POFUT3: variants seen among roughly 807,000 people sequenced by gnomAD.
The protein encoded by POFUT3 is GDP-fucose protein O-fucosyltransferase 3.
At chr8:33,328,186 G>A in the POFUT3 span, among the ~76,000 whole-genome samples, 2 of 152,146 alleles carry the variant, frequency 1.3e-5, no homozygotes. Flanking sequence ...AGGACAGGCT[G>A]TCCGAGGAGG....
the POFUT3 span, among the ~76,000 whole-genome samples, chr8:33,444,774 C>T: frequency 3.9e-5 from 6 of 151,942 alleles, no homozygotes; most frequent in Non-Finnish European, 5.9e-5. Flanking sequence ...GCTGAGATCA[C>T]GCCACTGCAT....
chr8:33,442,151 A>G, the POFUT3 span, among the ~76,000 whole-genome samples: 4 of 151,726 alleles, frequency 2.6e-5, no homozygotes, highest in African/African-American at 9.7e-5. Context: ...TTTGTTTAGT[A>G]GAGATGGGTT....
the POFUT3 span, among the ~76,000 whole-genome samples, chr8:33,419,705 T>C: frequency 6.6e-6 from 1 of 152,192 alleles, no homozygotes; most frequent in African/African-American, 2.4e-5. Flanking sequence ...TATGTATCGA[T>C]AAAAAGAAAA....
chr8:33,425,480 G>T, the POFUT3 span, among the ~76,000 whole-genome samples: 1 of 152,170 alleles, frequency 6.6e-6, no homozygotes, highest in African/African-American at 2.4e-5. Flanking sequence ...CAGAAAAAAG[G>T]AGGAGAAGGA....
chr8:33,355,800 T>C, the POFUT3 span, among the ~76,000 whole-genome samples: 1 of 152,120 alleles, frequency 6.6e-6, no homozygotes, highest in African/African-American at 2.4e-5. Flanking sequence ...TAGGTATATC[T>C]CCTAATGCTA....
chr8:33,387,074 T>G, the POFUT3 span, among the ~76,000 whole-genome samples: 1 of 152,168 alleles, frequency 6.6e-6, no homozygotes, highest in Non-Finnish European at 1.5e-5. Context: ...TACTCTCTCA[T>G]GTTTTCACAT....
the POFUT3 span, among the ~76,000 whole-genome samples, chr8:33,380,227 A>AC: frequency 2.3e-5 from 2 of 86,166 alleles, no homozygotes; most frequent in Admixed American, 1.6e-4. Flanking sequence ...ATATATATAT[A>AC]TACTATATAT....
the POFUT3 span, among the ~76,000 whole-genome samples, chr8:33,362,789 C>T: frequency 6.6e-6 from 1 of 152,196 alleles, no homozygotes; most frequent in African/African-American, 2.4e-5. Context: ...TAGAGACCTA[C>T]GAAGAGACTT....
At chr8:33,426,698 G>C in the POFUT3 span, among the ~76,000 whole-genome samples, 1 of 152,152 alleles carries the variant, frequency 6.6e-6, no homozygotes, top group Non-Finnish European at 1.5e-5. Context: ...AGATTTCCCA[G>C]GTCCTACCTC....
chr8:33,313,867 A>G, the POFUT3 span, among the ~76,000 whole-genome samples: 1 of 152,104 alleles, frequency 6.6e-6, no homozygotes, highest in Non-Finnish European at 1.5e-5. Context: ...TTGCTAAGAA[A>G]TATTTATGGC....
At chr8:33,364,677 G>C in the POFUT3 span, among the ~76,000 whole-genome samples, 1 of 152,100 alleles carries the variant, frequency 6.6e-6, no homozygotes, top group Non-Finnish European at 1.5e-5. Flanking sequence ...GCTACAAAGA[G>C]ACTAAAATAC....
At chr8:33,438,785 G>C in the POFUT3 span, among the ~76,000 whole-genome samples, 2 of 152,154 alleles carry the variant, frequency 1.3e-5, no homozygotes, top group Non-Finnish European at 2.9e-5. Flanking sequence ...GGGTGAATGA[G>C]AGCCGAGCGA....
the POFUT3 span, among the ~76,000 whole-genome samples, chr8:33,319,352 T>TATATATGTTCATATAATATGTAA: frequency 2.3e-5 from 1 of 43,576 alleles, no homozygotes; most frequent in African/African-American, 9.7e-5. Flanking sequence ...ATATATTTTA[T>TATATATGTTCATATAATATGTAA]ATATATTTTA....
At chr8:33,426,205 T>C in the POFUT3 span, among the ~76,000 whole-genome samples, 2 of 152,080 alleles carry the variant, frequency 1.3e-5, no homozygotes, top group Non-Finnish European at 2.9e-5. Context: ...ATGCCCAGCC[T>C]GAAGATCACT....
At chr8:33,429,430 G>A in the POFUT3 span, among the ~76,000 whole-genome samples, 3 of 152,198 alleles carry the variant, frequency 2.0e-5, no homozygotes, top group Non-Finnish European at 4.4e-5. Context: ...CTGTCAAACT[G>A]AGTATGTAAT....
At chr8:33,453,599 T>A in the POFUT3 span, 5 of 1,100,660 alleles carry the variant, frequency 4.5e-6, no homozygotes, top group Middle Eastern at 2.7e-4. Context: ...AGCCCCTGAC[T>A]CGTTTTCAAT....
chr8:33,357,355 C>A, the POFUT3 span, among the ~76,000 whole-genome samples: 2 of 152,040 alleles, frequency 1.3e-5, no homozygotes, highest in African/African-American at 4.8e-5. Flanking sequence ...TTTTGATCTT[C>A]TTTTCTAACT....
At chr8:33,326,521 A>G in the POFUT3 span, among the ~76,000 whole-genome samples, 1 of 152,186 alleles carries the variant, frequency 6.6e-6, no homozygotes, top group Non-Finnish European at 1.5e-5. Flanking sequence ...CATATAGTTC[A>G]TTTAATTGAA....
At chr8:33,436,435 C>A in the POFUT3 span, 1 of 1,444,884 alleles carries the variant, frequency 6.9e-7, no homozygotes, top group Admixed American at 1.7e-5. Flanking sequence ...CTTATTGGTA[C>A]AGGTGGGACT....
Sources: allele counts gnomAD v4.1 joint callset (sites outside exome capture counted in the v4.1 genomes callset), GRCh38; gene constraint gnomAD v4.1.1; transcripts MANE v1.5; gene names NCBI Gene and HGNC (gene_info 2026-07-23, HGNC 2026-07-21).